The following TSHZ2 variants were observed in gnomAD, a reference collection of about 807,000 sequenced individuals.
TSHZ2 encodes teashirt zinc finger homeobox 2.
In TSHZ2, 21 loss-of-function variants were observed where a neutral mutation model predicts 74.4. The observed-to-expected ratio is 0.28, with a 90% CI of 0.20 to 0.41. The LOEUF (loss-of-function observed/expected upper bound fraction) is 0.41. Among genes scored for constraint, TSHZ2 ranks in the 10% least tolerant of loss-of-function variants. The probability of loss-of-function intolerance (pLI) is 1.00; values close to 1 mark genes in which losing one functional copy is unlikely to be tolerated. For missense variants in TSHZ2, 1,244 were observed against 1,293.5 expected (o/e 0.96, Z 0.59); for synonymous variants, 540 against 515.3 (o/e 1.05, Z -0.65).
At chr20:53,274,322 C>T (rs753468249) in intron 2 of TSHZ2, among the ~76,000 whole-genome samples, 13 of 152,112 alleles carry the variant, frequency 8.5e-5, no homozygotes, top group Admixed American at 1.3e-4. Context: ...CCAGGAATTA[C>T]GAAGTGTAAA....
chr20:53,433,775 C>T (rs1330982463), intron 2 of TSHZ2, among the ~76,000 whole-genome samples: 2 of 152,166 alleles, frequency 1.3e-5, no homozygotes, highest in Non-Finnish European at 2.9e-5. Flanking sequence ...CAGCAATTGA[C>T]TGGAAATCTG....
intron 1 of TSHZ2, among the ~76,000 whole-genome samples, chr20:53,014,849 G>A (rs149157935): frequency 1.5e-3 from 223 of 152,146 alleles, no homozygotes; most frequent in African/African-American, 5.1e-3. Context: ...ACAACGCTTC[G>A]TACAGAATGA....
At chr20:53,081,109 G>T (rs1419123091) in intron 1 of TSHZ2, among the ~76,000 whole-genome samples, 4 of 152,130 alleles carry the variant, frequency 2.6e-5, no homozygotes, top group African/African-American at 4.8e-5. Context: ...TCAAACTGCT[G>T]GGCTCAAGCA....
At chr20:52,977,602 G>T (rs117344056) in intron 1 of TSHZ2, among the ~76,000 whole-genome samples, 6,191 of 152,088 alleles carry the variant, frequency 0.041, 149 homozygotes, top group Non-Finnish European at 0.057. Context: ...CATTTTGGAC[G>T]GAAATTGATT....
At chr20:53,017,497 G>A (rs770606535) in intron 1 of TSHZ2, among the ~76,000 whole-genome samples, 13 of 152,182 alleles carry the variant, frequency 8.5e-5, no homozygotes, top group South Asian at 4.1e-4. Flanking sequence ...GATATAACTC[G>A]TGGCAAAATC....
chr20:53,409,178 A>G (rs765071539), intron 2 of TSHZ2, among the ~76,000 whole-genome samples: 1 of 152,234 alleles, frequency 6.6e-6, no homozygotes, highest in Admixed American at 6.5e-5. Flanking sequence ...GATGACACTA[A>G]TAAGGAAATT....
intron 2 of TSHZ2, among the ~76,000 whole-genome samples, chr20:53,268,439 CAGG>C (rs1290004393): frequency 6.6e-6 from 1 of 152,096 alleles, no homozygotes; most frequent in Non-Finnish European, 1.5e-5. Context: ...AGAACTCAAG[CAGG>C]AGGAGAAAAG....
chr20:53,251,765 A>G (rs757643746), intron 1 of TSHZ2, among the ~76,000 whole-genome samples: 26 of 152,184 alleles, frequency 1.7e-4, no homozygotes, highest in Non-Finnish European at 3.4e-4. Flanking sequence ...TCTTGTCTCC[A>G]GTTTTCCCAC....
At chr20:53,379,557 G>T (rs59148371) in intron 2 of TSHZ2, among the ~76,000 whole-genome samples, 22 of 152,114 alleles carry the variant, frequency 1.4e-4, no homozygotes, top group Non-Finnish European at 2.8e-4. Context: ...TTTGCAGAGC[G>T]GAAGAGATGA....
At chr20:53,387,748 T>C (rs1415894893) in intron 2 of TSHZ2, among the ~76,000 whole-genome samples, 1 of 152,160 alleles carries the variant, frequency 6.6e-6, no homozygotes, top group Admixed American at 6.6e-5. Context: ...GTGAAAATGA[T>C]AACTTAAAAG....
intron 1 of TSHZ2, among the ~76,000 whole-genome samples, chr20:53,237,918 G>T (rs1366816663): frequency 1.3e-5 from 2 of 152,160 alleles, no homozygotes; most frequent in Non-Finnish European, 2.9e-5. Context: ...GTCATTGGGG[G>T]ATGATATGTT....
intron 2 of TSHZ2, among the ~76,000 whole-genome samples, chr20:53,298,225 T>C (rs971211986): frequency 3.3e-5 from 5 of 152,264 alleles, no homozygotes; most frequent in African/African-American, 1.2e-4. Flanking sequence ...AGACATCAAT[T>C]GTAACTATGA....
intron 2 of TSHZ2, among the ~76,000 whole-genome samples, chr20:53,315,631 C>T (rs1180870953): frequency 6.6e-6 from 1 of 151,992 alleles, no homozygotes; most frequent in Non-Finnish European, 1.5e-5. Context: ...TTTTGTTTGC[C>T]CTGTTGTTCA....
intron 1 of TSHZ2, among the ~76,000 whole-genome samples, chr20:53,042,088 T>C (rs1273277320): frequency 6.6e-6 from 1 of 152,206 alleles, no homozygotes; most frequent in Non-Finnish European, 1.5e-5. Flanking sequence ...TTCTCTTATA[T>C]AAATGTGTGG....
At chr20:53,066,953 G>C (rs1022203242) in intron 1 of TSHZ2, among the ~76,000 whole-genome samples, 1 of 152,134 alleles carries the variant, frequency 6.6e-6, no homozygotes, top group Admixed American at 6.5e-5. Flanking sequence ...AGAAAGTCCC[G>C]CTGCAGGAGT....
At chr20:53,091,064 G>GTGTGT in intron 1 of TSHZ2, among the ~76,000 whole-genome samples, 1 of 152,258 alleles carries the variant, frequency 6.6e-6, no homozygotes, top group Admixed American at 6.5e-5. Flanking sequence ...ATTTTAAGTG[G>GTGTGT]TACACAGATA....
chr20:53,226,727 C>T (rs898236233), intron 1 of TSHZ2, among the ~76,000 whole-genome samples: 1 of 152,058 alleles, frequency 6.6e-6, no homozygotes, highest in Non-Finnish European at 1.5e-5. Context: ...GGGTACCGTC[C>T]TGTGTTATCA....
chr20:53,231,216 A>G (rs954217685), intron 1 of TSHZ2, among the ~76,000 whole-genome samples: 2 of 152,218 alleles, frequency 1.3e-5, no homozygotes, highest in African/African-American at 4.8e-5. Flanking sequence ...AGTTGAGAGG[A>G]TATCATTCAT....
chr20:53,411,097 G>A (rs1983039907), intron 2 of TSHZ2, among the ~76,000 whole-genome samples: 1 of 152,188 alleles, frequency 6.6e-6, no homozygotes, highest in Non-Finnish European at 1.5e-5. Context: ...TCATAACTGT[G>A]AACCATGTTC....
Sources: allele counts gnomAD v4.1 joint callset (sites outside exome capture counted in the v4.1 genomes callset), GRCh38; gene constraint gnomAD v4.1.1; transcripts MANE v1.5; gene names NCBI Gene and HGNC (gene_info 2026-07-23, HGNC 2026-07-21).